Variants in CD44 observed in about 807,000 individuals in gnomAD.
The protein encoded by CD44 is CD44 molecule (IN blood group), also known as CD44 antigen.
In CD44, 49 loss-of-function variants were observed where a neutral mutation model predicts 88.8. The ratio of observed to expected loss-of-function variants is 0.55; its 90% CI spans 0.44 to 0.70. CD44 has a LOEUF of 0.70. CD44 is among the 30% of genes least tolerant of loss of function. The probability of loss-of-function intolerance (pLI) is 0.00; values close to 1 mark genes in which losing one functional copy is unlikely to be tolerated. For missense variants in CD44, 883 were observed against 913.8 expected (o/e 0.97, Z 0.43); for synonymous variants, 325 against 312.3 (o/e 1.04, Z -0.43).
intron 9 of CD44, among the ~76,000 whole-genome samples, chr11:35,203,863 T>C (rs1258861602): frequency 6.6e-6 from 1 of 152,206 alleles, no homozygotes; most frequent in Non-Finnish European, 1.5e-5. Flanking sequence ...CACTATTATT[T>C]ATATAATGCC....
chr11:35,184,493 G>T (rs556979761), intron 3 of CD44, among the ~76,000 whole-genome samples: 1 of 152,244 alleles, frequency 6.6e-6, no homozygotes, highest in East Asian at 1.9e-4. Context: ...CATCTCATAG[G>T]TTGCGTCAGT....
intron 5 of CD44, among the ~76,000 whole-genome samples, chr11:35,195,544 G>A (rs574403208): frequency 6.6e-6 from 1 of 151,778 alleles, no homozygotes; most frequent in Non-Finnish European, 1.5e-5. Context: ...CATCTTCTTG[G>A]TTCATTTTTG....
At chr11:35,223,482 A>G (rs923559055) in intron 17 of CD44, among the ~76,000 whole-genome samples, 7 of 152,166 alleles carry the variant, frequency 4.6e-5, no homozygotes, top group African/African-American at 7.2e-5. Flanking sequence ...CCCTAAGAGC[A>G]GCTGGAGTCC....
intron 17 of CD44, chr11:35,222,912 T>C (rs1471786007): frequency 1.0e-6 from 1 of 985,392 alleles, no homozygotes; most frequent in Non-Finnish European, 1.2e-6. Context: ...GGAGAAGACC[T>C]AGAGAGAATT....
chr11:35,224,853 T>C (rs1209521789), intron 17 of CD44, among the ~76,000 whole-genome samples: 1 of 152,198 alleles, frequency 6.6e-6, no homozygotes, highest in African/African-American at 2.4e-5. Flanking sequence ...GCCTTCACTT[T>C]AATGGGAATA....
chr11:35,223,766 G>A (rs879447533), intron 17 of CD44, among the ~76,000 whole-genome samples: 3 of 152,166 alleles, frequency 2.0e-5, no homozygotes, highest in Non-Finnish European at 4.4e-5. Flanking sequence ...CCCTTAATGG[G>A]CTCTGTGATT....
chr11:35,222,597 TA>T, intron 17 of CD44: 6 of 634,450 alleles, frequency 9.5e-6, no homozygotes, highest in Non-Finnish European at 1.2e-5. Flanking sequence ...ATTTTATATA[TA>T]ATATATATAT....
intron 10 of CD44, chr11:35,204,908 G>A (rs552381419): frequency 1.1e-5 from 4 of 347,920 alleles, no homozygotes; most frequent in African/African-American, 4.2e-5. Flanking sequence ...TCGAGTTTTG[G>A]GCATCATCTA....
At position 35,229,559 on chromosome 11, in the gene CD44, A is replaced by G; in HGVS notation, c.*226A>G. The G allele has an allele frequency of 1.9e-6, 1 of 530,648 alleles. No homozygotes were observed. Among genetic ancestry groups the G allele is most frequent in the Non-Finnish European group, 3.4e-6 (1 of 297,498 alleles). 32.9% of individuals were successfully genotyped at this position (530,648 alleles called of 1,614,324 possible). On this transcript the variant is annotated 3_prime_UTR_variant, in exon 18 of 18. Transcript: ENST00000428726. Reference sequence around the variant, plus strand: ...ATTAGGGCCCAATTAATAATCAGCAAGAATTTGATCGTTCCAGTTCCCACT... The same window carrying G: ...ATTAGGGCCCAATTAATAATCAGCAGGAATTTGATCGTTCCAGTTCCCACT...
Position 35,176,612 on chromosome 11 carries a change from C to G in CD44, c.105C>G (p.His35Gln). 6.2e-7 allele frequency: 1 copy of G among 1,614,094 alleles called. No homozygotes were observed. The highest frequency in any genetic ancestry group is 8.5e-7 in the Non-Finnish European group (1 of 1,179,946). Residue 35 changes from histidine (H) to glutamine (Q), a missense_variant, in exon 2 of 18, where the codon CAC (histidine) becomes CAG (glutamine). Around this residue, in one of 2 missense-constraint regions of CD44, gnomAD observed 252 missense variants for 322.9 expected, o/e 0.78. Transcript: ENST00000428726. ...CCTGCCGCTTTGCAGGTGTATTCCA[C>G]GTGGAGAAAAATGGTCGCTACAGCA... ...NITCRFAGVF[H>Q]VEKNGRYSIS...
chr11:35,214,997 TC>T, intron 15 of CD44, 83 bp downstream of exon 15: 2 of 783,786 alleles, frequency 2.6e-6, no homozygotes, highest in Non-Finnish European at 3.8e-6. Flanking sequence ...AGTCAGTGTC[TC>T]CAGAGAAGTG....
intron 1 of CD44, among the ~76,000 whole-genome samples, chr11:35,144,509 A>G (rs2133034298): frequency 6.6e-6 from 1 of 152,278 alleles, no homozygotes; most frequent in Middle Eastern, 3.4e-3. Context: ...TTCTACCTTA[A>G]ATTTGAATCC....
At chr11:35,229,045 CAAT>C (rs1291262148) in intron 17 of CD44, 81 bp from the exon 18 acceptor site, 13 of 1,122,490 alleles carry the variant, frequency 1.2e-5, no homozygotes, top group Admixed American at 2.0e-5. Flanking sequence ...TAGTGATCAT[CAAT>C]GATGGTGCTC....
At chr11:35,147,638 TGCA>T (rs1409207290) in intron 1 of CD44, among the ~76,000 whole-genome samples, 1 of 151,512 alleles carries the variant, frequency 6.6e-6, no homozygotes, top group African/African-American at 2.4e-5. Flanking sequence ...TCAATTTTAG[TGCA>T]TCTCTTTACA....
At chr11:35,160,367 T>C (rs1392480009) in intron 1 of CD44, among the ~76,000 whole-genome samples, 1 of 152,246 alleles carries the variant, frequency 6.6e-6, no homozygotes, top group East Asian at 1.9e-4. Context: ...TGGTGTATTC[T>C]GAGAGCAGGA....
intron 1 of CD44, among the ~76,000 whole-genome samples, chr11:35,140,629 A>G (rs531383375): frequency 6.6e-6 from 1 of 152,274 alleles, no homozygotes; most frequent in African/African-American, 2.4e-5. Context: ...CTCTGTGCAT[A>G]TGCATCTCCC....
chr11:35,197,078 A>T (rs1176031867), intron 6 of CD44: 6 of 545,224 alleles, frequency 1.1e-5, no homozygotes, highest in Non-Finnish European at 2.0e-5. Flanking sequence ...TAATCTATGG[A>T]TTAGTATAGA....
intron 1 of CD44, among the ~76,000 whole-genome samples, chr11:35,164,762 A>C (rs1304641939): frequency 1.3e-5 from 2 of 152,232 alleles, no homozygotes; most frequent in Admixed American, 1.3e-4. Context: ...TTGTGTTCTT[A>C]ATAATGAAGG....
chr11:35,152,364 C>T (rs572001198), intron 1 of CD44, among the ~76,000 whole-genome samples: 60 of 152,320 alleles, frequency 3.9e-4, no homozygotes, highest in Middle Eastern at 6.8e-3. Flanking sequence ...AAACAAAAGG[C>T]TCCATCAAAA....
Sources: allele counts gnomAD v4.1 joint callset (sites outside exome capture counted in the v4.1 genomes callset), GRCh38; gene constraint gnomAD v4.1.1; regional missense constraint gnomAD v4.1.1; transcripts MANE v1.5; gene names NCBI Gene and HGNC (gene_info 2026-07-23, HGNC 2026-07-21).